The following DOT1L variants were observed in gnomAD, a reference collection of about 807,000 sequenced individuals.
DOT1L encodes histone-lysine N-methyltransferase, H3 lysine-79 specific.
In DOT1L, 33 loss-of-function variants were observed where a neutral mutation model predicts 153.3. The ratio of observed to expected loss-of-function variants is 0.22; its 90% CI spans 0.16 to 0.29. DOT1L has a LOEUF of 0.29. DOT1L is among the 10% of genes least tolerant of loss of function. The pLI is 1.00. For synonymous variants in DOT1L, 1,135 were observed against 965.1 expected, an observed-to-expected ratio of 1.18 and a Z score of -3.26; for missense variants, 1,847 against 2,119.9, an observed-to-expected ratio of 0.87 and a Z score of 2.53.
chr19:2,205,245 C>T (rs948570067), intron 9 of DOT1L, among the ~76,000 whole-genome samples: 1 of 152,138 alleles, frequency 6.6e-6, no homozygotes, highest in Non-Finnish European at 1.5e-5. Context: ...TGCTGGGTTA[C>T]AGGCATGAGC....
Position 2,164,099 on chromosome 19 carries a change from TC to T in DOT1L, c.-83del, listed in dbSNP as rs1212583082. On this transcript the variant is annotated 5_prime_UTR_variant, in exon 1 of 28. Transcript: ENST00000398665. ...CTCCCCTCAGCCTCCCGCCCCTCCC[TC>T]CCGCCCGCCCTCCTCCGCCCACCGG... 1 of 11,610 alleles carries T rather than the reference TC, an allele frequency of 8.6e-5. No individual in the cohort carries two copies. Among genetic ancestry groups the T allele is most frequent in the Non-Finnish European group, 2.1e-4 (1 of 4,822 alleles). The allele number at this position is 11,610 out of a possible 1,614,324, so 0.7% of individuals were successfully genotyped here.
chr19:2,179,863 T>A (rs985690271), intron 1 of DOT1L, among the ~76,000 whole-genome samples: 1 of 152,114 alleles, frequency 6.6e-6, no homozygotes, highest in Non-Finnish European at 1.5e-5. Flanking sequence ...CTGGCTCAAG[T>A]GATTCGCTCC....
At position 2,213,638 on chromosome 19, in the gene DOT1L, G is replaced by C. The variant is rs2144849908; in HGVS notation, c.1657G>C (p.Glu553Gln). 3 of 1,613,752 alleles carry C rather than the reference G, an allele frequency of 1.9e-6. No individual in the cohort carries two copies. Among genetic ancestry groups the C allele is most frequent in the Non-Finnish European group, 2.5e-6 (3 of 1,179,944 alleles). ...IRRLFQQKLD[E>Q]LGVKALTYND... The stretch of plus-strand genomic sequence containing the variant: ...GAGGCTGTTTCAGCAAAAATTGGAT[G>C]AGGTAGTGGACCCCAGAGGGCAGGT... Residue 553 changes from glutamate (E) to glutamine (Q), a missense_variant and splice_region_variant, in exon 17 of 28, where the codon GAG becomes CAG. This residue lies in a region of DOT1L where 156 missense variants were observed against 235.7 expected (regional missense o/e 0.66). Coordinates refer to ENST00000398665, the MANE Select transcript of DOT1L (RefSeq NM_032482.3).
chr19:2,206,958 T>G (rs1201154561), intron 10 of DOT1L, among the ~76,000 whole-genome samples, 161 bp downstream of exon 10: 1 of 152,174 alleles, frequency 6.6e-6, no homozygotes, highest in African/African-American at 2.4e-5. Context: ...GCAGCGTCCC[T>G]GGTGTCCACC....
At chr19:2,199,168 T>C (rs1268957895) in intron 7 of DOT1L, among the ~76,000 whole-genome samples, 2 of 152,246 alleles carry the variant, frequency 1.3e-5, no homozygotes, top group Admixed American at 1.3e-4. Flanking sequence ...TGTTTTCTCC[T>C]GGACGGTGCC....
chr19:2,181,960 C>T (rs545038358), intron 2 of DOT1L, among the ~76,000 whole-genome samples: 118 of 152,286 alleles, frequency 7.7e-4, no homozygotes, highest in African/African-American at 2.8e-3. Context: ...CGGTGGCTCA[C>T]GCCTATAATC....
Position 2,193,848 on chromosome 19 carries a change from G to T in DOT1L, c.588+65G>T. On this transcript the variant is annotated intron_variant, in intron 6 of 27. Coordinates refer to ENST00000398665, the MANE Select transcript of DOT1L (RefSeq NM_032482.3). This position sits in a 1 kb window ranked among gnomAD's most constrained non-coding sequence, Gnocchi z 5.9. ...GACCATCAGAGAAAGTGACGCCCTGGGTGCCTGCACCCCACTGCTGTGGGA... is the reference window on the plus strand; with the variant it reads ...GACCATCAGAGAAAGTGACGCCCTGTGTGCCTGCACCCCACTGCTGTGGGA... The T allele has an allele frequency of 6.5e-7, 1 of 1,540,116 alleles. No homozygotes were observed. The highest frequency in any genetic ancestry group is 1.7e-5 in the Admixed American group (1 of 57,652).
chr19:2,227,849 G>A (rs2024419506), intron 27 of DOT1L: 1 of 1,287,710 alleles, frequency 7.8e-7, no homozygotes, highest in Non-Finnish European at 1.0e-6. Flanking sequence ...TGCAGGCGGC[G>A]GCCAGCGCCT....
At position 2,201,729 on chromosome 19, in the gene DOT1L, C is replaced by T. The variant is rs547327140; in HGVS notation, c.708-971C>T. On this transcript the variant is annotated intron_variant, in intron 8 of 27. Coordinates refer to ENST00000398665, the MANE Select transcript of DOT1L (RefSeq NM_032482.3). The stretch of plus-strand genomic sequence containing the variant: ...GTCTTATAACAAACTCTTAAGAAGC[C>T]GAGAGATTTCTGGCGTCCCGTTGAC... Among the ~76,000 whole-genome samples, 16 of 152,336 alleles carry T rather than the reference C, an allele frequency of 1.1e-4. No homozygotes were observed. The East Asian group carries it at 2.3e-3, about 22-fold the overall frequency.
intron 1 of DOT1L, among the ~76,000 whole-genome samples, chr19:2,166,499 C>T (rs2019928184): frequency 7.1e-6 from 1 of 140,118 alleles, no homozygotes; most frequent in South Asian, 2.2e-4. Context: ...GCATCGTCTG[C>T]CTCCCGGGTT....
In DOT1L at chr19:2,217,837, G is replaced by T; in HGVS notation, c.2610G>T (p.Pro870=). 1 of 1,610,796 alleles carries T rather than the reference G, an allele frequency of 6.2e-7. No homozygotes were observed. Among genetic ancestry groups the T allele is most frequent in the Non-Finnish European group, 8.5e-7 (1 of 1,179,048 alleles). Residue 870 remains proline (P), a synonymous_variant, in exon 22 of 28, where the codon CCG becomes CCT. Transcript: ENST00000398665. This position sits in a 1 kb window ranked among gnomAD's most constrained non-coding sequence, Gnocchi z 7.3. ...TCACCAGCCTGCCCATCAGCATCCC[G>T]CTCAGCACCGTGCAGCCCAACAAGC... ...ELITSLPISI[P]LSTVQPNKLP... is the part of the protein sequence containing the mutation.
intron 2 of DOT1L, 67 bp from the exon 3 acceptor site, chr19:2,185,788 A>AAACAAG: frequency 6.4e-7 from 1 of 1,570,684 alleles, no homozygotes; most frequent in Non-Finnish European, 8.8e-7. Context: ...ACAAAAACAA[A>AAACAAG]AACAAAACAC....
rs1160439233 is a variant in DOT1L at position 2,230,071 on chromosome 19, G to A, written c.*279G>A. ...TAAGTGGTAAAAGGCAACTTATTGA[G>A]AAATATAAATATCTATATATGAGAG... On this transcript the variant is annotated 3_prime_UTR_variant, in exon 28 of 28. Transcript: ENST00000398665. The A allele has an allele frequency of 1.7e-6, 1 of 600,602 alleles. No individual in the cohort carries two copies. Among genetic ancestry groups the A allele is most frequent in the African/African-American group, 1.9e-5 (1 of 53,876 alleles). The allele number at this position is 600,602 out of a possible 1,614,324, so 37.2% of individuals were successfully genotyped here. A position where few individuals can be genotyped will look rare whatever the true frequency, so the allele number is the denominator to read the frequency against.
At chr19:2,181,649 G>C (rs1367506840) in intron 2 of DOT1L, among the ~76,000 whole-genome samples, 2 of 152,208 alleles carry the variant, frequency 1.3e-5, no homozygotes, top group African/African-American at 4.8e-5. Flanking sequence ...CATGATCCGT[G>C]GACCAGGCAG....
At chr19:2,171,800 A>T (rs2144661253) in intron 1 of DOT1L, among the ~76,000 whole-genome samples, 1 of 152,252 alleles carries the variant, frequency 6.6e-6, no homozygotes, top group East Asian at 1.9e-4. Context: ...AGTTAGCGTA[A>T]TGGGAGTGTA....
chr19:2,216,804 C>T (rs2023921479), intron 20 of DOT1L, 39 bp downstream of exon 20: 9 of 1,563,436 alleles, frequency 5.8e-6, no homozygotes, highest in Non-Finnish European at 7.8e-6. Context: ...GCAGCTGGTA[C>T]CTGCCGACTC....
chr19:2,192,672 C>CAAAA (rs71176526), intron 5 of DOT1L, among the ~76,000 whole-genome samples: 1 of 95,106 alleles, frequency 1.1e-5, no homozygotes, highest in African/African-American at 4.1e-5. Context: ...GACTCCGTCT[C>CAAAA]AAAAAAAAAA....
At position 2,189,877 on chromosome 19, in the gene DOT1L, G is replaced by A. The variant is rs529330428; in HGVS notation, c.264+82G>A. On this transcript the variant is annotated intron_variant, in intron 4 of 27. Transcript: ENST00000398665. Reference sequence around the variant, plus strand: ...CCAGACCCCTTATGTCACCGCCTCGGGGCACAGAGCTCCCCTTAGAGCCCC... The same window carrying A: ...CCAGACCCCTTATGTCACCGCCTCGAGGCACAGAGCTCCCCTTAGAGCCCC... 2.8e-5 allele frequency: 42 copies of A among 1,479,106 alleles called. No individual in the cohort carries two copies. In the African/African-American group the frequency reaches 4.4e-4, roughly 16 times the overall value. The allele number at this position is 1,479,106 out of a possible 1,614,324, so 91.6% of individuals were successfully genotyped here.
chr19:2,165,372 TC>T (rs2019873060), intron 1 of DOT1L, among the ~76,000 whole-genome samples: 1 of 152,086 alleles, frequency 6.6e-6, no homozygotes, highest in Non-Finnish European at 1.5e-5. Context: ...CCGGGCTGGC[TC>T]ACTGCCCCGG....
Sources: allele counts gnomAD v4.1 joint callset (sites outside exome capture counted in the v4.1 genomes callset), GRCh38; gene constraint gnomAD v4.1.1; regional missense constraint gnomAD v4.1.1; non-coding constraint Gnocchi (gnomAD v3.1); transcripts MANE v1.5; gene names NCBI Gene and HGNC (gene_info 2026-07-23, HGNC 2026-07-21).